Variants in MAGI2 observed in about 807,000 individuals in gnomAD.
The protein encoded by MAGI2 is membrane-associated guanylate kinase, WW and PDZ domain-containing protein 2.
Under a neutral mutation model 133.3 loss-of-function variants are expected in MAGI2, and 35 were observed. The observed-to-expected ratio is 0.26, with a 90% CI of 0.20 to 0.35. MAGI2 has a LOEUF of 0.35. Among genes scored for constraint, MAGI2 ranks in the 10% least tolerant of loss-of-function variants. The pLI is 1.00. For missense variants in MAGI2, 1,636 were observed against 1,863.4 expected (o/e 0.88, Z 2.25); for synonymous variants, 729 against 710.6 (o/e 1.03, Z -0.41).
intron 6 of MAGI2, among the ~76,000 whole-genome samples, chr7:78,455,815 G>A (rs575545400): frequency 2.6e-5 from 4 of 151,634 alleles, no homozygotes; most frequent in Non-Finnish European, 5.9e-5. Flanking sequence ...ATTTTTTTTC[G>A]TCTTTTCTTT....
chr7:78,403,689 A>G (rs1797113446), intron 6 of MAGI2, among the ~76,000 whole-genome samples: 1 of 152,078 alleles, frequency 6.6e-6, no homozygotes, highest in Non-Finnish European at 1.5e-5. Flanking sequence ...AATGATTGTC[A>G]TTCTAACTGG....
At position 78,999,775 on chromosome 7, in the gene MAGI2, C is replaced by T. The variant is rs757469802; in HGVS notation, c.418+7315G>A. Among the ~76,000 whole-genome samples, 14 of 152,238 alleles carry T rather than the reference C, an allele frequency of 9.2e-5. No homozygotes were observed. In the East Asian group the frequency reaches 2.1e-3, roughly 23 times the overall value. ...ATATGTCTCCCAAGAAATTAAGTTT[C>T]GTTTGTTTACAGACTTCCTTTCTTT... On this transcript the variant is annotated intron_variant, in intron 2 of 21. Coordinates refer to ENST00000354212, the MANE Select transcript of MAGI2 (RefSeq NM_012301.4).
intron 10 of MAGI2, among the ~76,000 whole-genome samples, chr7:78,218,524 C>A (rs1273181252): frequency 6.6e-6 from 1 of 152,180 alleles, no homozygotes; most frequent in African/African-American, 2.4e-5. Flanking sequence ...AGTGATACCA[C>A]AATATTTTTC....
intron 11 of MAGI2, among the ~76,000 whole-genome samples, chr7:78,197,332 C>T (rs1828831334): frequency 6.6e-6 from 1 of 152,174 alleles, no homozygotes; most frequent in Non-Finnish European, 1.5e-5. Flanking sequence ...ATACTAAATA[C>T]TAAAAAGTAA....
intron 1 of MAGI2, among the ~76,000 whole-genome samples, chr7:79,265,572 A>G (rs1834392551): frequency 6.6e-6 from 1 of 152,186 alleles, no homozygotes; most frequent in South Asian, 2.1e-4. Context: ...ACGTGCTTAT[A>G]TAAATATGCA....
At chr7:78,287,254 T>C (rs1411528624) in intron 9 of MAGI2, among the ~76,000 whole-genome samples, 4 of 152,184 alleles carry the variant, frequency 2.6e-5, no homozygotes, top group Admixed American at 6.6e-5. Flanking sequence ...AGAGGGATTG[T>C]CAAGGTTTAT....
In MAGI2 at chr7:78,017,760, C is replaced by T. The variant is rs896087098; in HGVS notation, c.*1555G>A. The T allele has an allele frequency of 6.6e-6, 1 of 152,454 alleles. No individual in the cohort carries two copies. The highest frequency in any genetic ancestry group is 1.5e-5 in the Non-Finnish European group (1 of 68,038). The allele number at this position is 152,454 out of a possible 1,614,324, so 9.4% of individuals were successfully genotyped here. A position where few individuals can be genotyped will look rare whatever the true frequency, so the allele number is the denominator to read the frequency against. On this transcript the variant is annotated 3_prime_UTR_variant, in exon 22 of 22. Coordinates refer to ENST00000354212, the MANE Select transcript of MAGI2 (RefSeq NM_012301.4). ...ACTGCTACTCAGGATACTGCAATTA[C>T]AAGGAGAGGGAATGATCAGCCCAGG...
At chr7:78,413,214 A>G (rs1362035449) in intron 6 of MAGI2, among the ~76,000 whole-genome samples, 1 of 152,132 alleles carries the variant, frequency 6.6e-6, no homozygotes, top group East Asian at 1.9e-4. Flanking sequence ...TAGACATTTT[A>G]GGACTCTGAT....
intron 13 of MAGI2, among the ~76,000 whole-genome samples, chr7:78,180,750 G>GT (rs3837117): frequency 0.28 from 42,047 of 151,680 alleles, 6,299 homozygotes; most frequent in South Asian, 0.36. Flanking sequence ...TCATGAGCAG[G>GT]AAACAGAGGC....
intron 1 of MAGI2, among the ~76,000 whole-genome samples, chr7:79,202,825 G>T (rs1160080292): frequency 2.0e-5 from 3 of 151,848 alleles, no homozygotes; most frequent in Non-Finnish European, 4.4e-5. Context: ...TTTCATCCAG[G>T]TTCATATCTT....
In MAGI2 at chr7:78,256,000, C is replaced by T. The variant is rs1227472475; in HGVS notation, c.1990G>A (p.Asp664Asn). ...CCAATGGGACAGTCCTTAAGTATAT[C>T]CACTACTTCTGTATGGCTCAGGTTC... ...VQNLSHTEVV[D>N]ILKDCPIGSE... The change falls in exon 10 of 22, where the codon GAT (aspartate) becomes AAT (asparagine). Residue 664 changes from aspartate (D) to asparagine (N), a missense_variant. By Grantham distance (23) the Asp-to-Asn change is conservative. Transcript: ENST00000354212. 1 of 1,613,754 alleles carries T rather than the reference C, an allele frequency of 6.2e-7. No homozygotes were observed. The highest frequency in any genetic ancestry group is 8.5e-7 in the Non-Finnish European group (1 of 1,179,892).
At chr7:78,243,719 G>T (rs971298225) in intron 10 of MAGI2, among the ~76,000 whole-genome samples, 1 of 152,020 alleles carries the variant, frequency 6.6e-6, no homozygotes, top group African/African-American at 2.4e-5. Flanking sequence ...ATGTTTTATA[G>T]AACTAGGAAG....
At chr7:78,634,308 G>C (rs915742273) in intron 2 of MAGI2, among the ~76,000 whole-genome samples, 2 of 152,204 alleles carry the variant, frequency 1.3e-5, no homozygotes, top group African/African-American at 4.8e-5. Context: ...CATTTGCTGA[G>C]TCATTTGAAA....
intron 1 of MAGI2, among the ~76,000 whole-genome samples, chr7:79,336,566 G>C (rs552508625): frequency 1.3e-5 from 2 of 152,206 alleles, no homozygotes; most frequent in South Asian, 2.1e-4. Context: ...AATCAGGATA[G>C]AGGAAATTCA....
intron 9 of MAGI2, among the ~76,000 whole-genome samples, chr7:78,317,120 T>G (rs535792120): frequency 2.8e-4 from 42 of 152,244 alleles, no homozygotes; most frequent in Non-Finnish European, 5.0e-4. Context: ...TATTGCATAT[T>G]GATTTTTTCT....
At chr7:79,136,101 GAAAGAAAGAAAGAAA>G (rs1821521157) in intron 1 of MAGI2, among the ~76,000 whole-genome samples, 1 of 150,332 alleles carries the variant, frequency 6.7e-6, no homozygotes, top group Non-Finnish European at 1.5e-5. Context: ...AAGAAAGAAA[GAAAGAAAGAAAGAAA>G]GAAAGAAAGA....
intron 10 of MAGI2, among the ~76,000 whole-genome samples, chr7:78,232,966 CAGT>C (rs1350344981): frequency 2.6e-5 from 4 of 152,106 alleles, no homozygotes; most frequent in African/African-American, 9.7e-5. Flanking sequence ...ATCTGAAACA[CAGT>C]AGAGGATCAG....
chr7:78,428,208 G>T (rs1314909151), intron 6 of MAGI2, among the ~76,000 whole-genome samples: 1 of 152,160 alleles, frequency 6.6e-6, no homozygotes, highest in Non-Finnish European at 1.5e-5. Context: ...TTGCTATGGA[G>T]GAATTGGGAA....
chr7:78,030,413 A>G (rs1809442497), intron 21 of MAGI2, among the ~76,000 whole-genome samples: 1 of 152,014 alleles, frequency 6.6e-6, no homozygotes, highest in African/African-American at 2.4e-5. Flanking sequence ...CACGCCACCA[A>G]GCCCAGCTAA....
Sources: gnomAD v4.1 joint callset for allele counts (sites outside exome capture counted in the v4.1 genomes callset) on GRCh38, gnomAD v4.1.1 for gene constraint, MANE v1.5 for transcripts, NCBI Gene and HGNC (gene_info 2026-07-23, HGNC 2026-07-21) for gene names.